SGCZ: variants seen among roughly 807,000 people sequenced by gnomAD.
SGCZ encodes the protein sarcoglycan zeta.
In SGCZ, 40 loss-of-function variants were observed where a neutral mutation model predicts 41.3. The ratio of observed to expected loss-of-function variants is 0.97; its 90% CI spans 0.75 to 1.26. SGCZ has a LOEUF of 1.26. Among genes scored for constraint, SGCZ ranks in the 50% most tolerant of loss-of-function variants. The pLI, the probability that SGCZ is intolerant of heterozygous loss-of-function variation, is 0.00. For synonymous variants in SGCZ, 206 were observed against 137.5 expected (o/e 1.50, Z -3.49); for missense variants, 552 against 369.8 (o/e 1.49, Z -4.04).
In SGCZ at chr8:14,496,142, T is replaced by C. The variant is rs576522710; in HGVS notation, c.234+58590A>G. On this transcript the variant is annotated intron_variant, in intron 2 of 7. Transcript: ENST00000382080. ...GTGCAGTGGCGTGATCATGGCTCAC[T>C]GCAGCCTCAAACTCTTGGCCTCAGG... 8.1e-5 allele frequency among the ~76,000 whole-genome samples: 8 copies of C among 98,382 alleles called. 1 individual carries two copies. The Admixed American group carries it at 8.8e-4, about 11-fold the overall frequency. The allele number at this position is 98,382 out of a possible 152,430, so 64.5% of individuals were successfully genotyped here.
At chr8:14,581,460 T>TC (rs397955823) in intron 1 of SGCZ, among the ~76,000 whole-genome samples, 1 of 151,358 alleles carries the variant, frequency 6.6e-6, no homozygotes, top group Non-Finnish European at 1.5e-5. Context: ...TTTTTTTTTT[T>TC]CCCCCACAGT....
intron 1 of SGCZ, among the ~76,000 whole-genome samples, chr8:14,843,448 T>C (rs1802994778): frequency 6.6e-6 from 1 of 152,210 alleles, no homozygotes; most frequent in South Asian, 2.1e-4. Context: ...GTATGTACCT[T>C]GTAGAATGTC....
intron 2 of SGCZ, among the ~76,000 whole-genome samples, chr8:14,480,724 T>C (rs10107305): frequency 0.042 from 6,345 of 152,152 alleles, 186 homozygotes; most frequent in African/African-American, 0.083. Context: ...ATAAAGACTA[T>C]ATTCTTTATA....
At chr8:15,143,314 C>T (rs371943254) in intron 1 of SGCZ, among the ~76,000 whole-genome samples, 143 of 152,194 alleles carry the variant, frequency 9.4e-4, no homozygotes, top group Middle Eastern at 3.4e-3. Context: ...AACTCTAGCA[C>T]GTAGTAGGCA....
intron 1 of SGCZ, among the ~76,000 whole-genome samples, chr8:14,755,684 G>T (rs1799642278): frequency 6.6e-6 from 1 of 152,034 alleles, no homozygotes; most frequent in African/African-American, 2.4e-5. Flanking sequence ...TCTATGGCTG[G>T]CCCATGATCT....
intron 2 of SGCZ, among the ~76,000 whole-genome samples, chr8:14,457,068 A>G (rs1470674234): frequency 6.6e-6 from 1 of 152,224 alleles, no homozygotes; most frequent in African/African-American, 2.4e-5. Context: ...CTGTTCCAGT[A>G]TAATAAAATA....
intron 2 of SGCZ, among the ~76,000 whole-genome samples, chr8:14,354,967 A>G (rs898534084): frequency 1.3e-5 from 2 of 151,962 alleles, no homozygotes; most frequent in Admixed American, 6.6e-5. Flanking sequence ...TTCTTAGTTC[A>G]ATATTAATAA....
At chr8:14,127,937 A>T (rs1802916147) in intron 5 of SGCZ, among the ~76,000 whole-genome samples, 1 of 152,116 alleles carries the variant, frequency 6.6e-6, no homozygotes, top group Non-Finnish European at 1.5e-5. Context: ...CCCCGCATCA[A>T]GTAGACCAAA....
At chr8:14,337,896 T>C (rs1802558228) in intron 2 of SGCZ, among the ~76,000 whole-genome samples, 3 of 152,098 alleles carry the variant, frequency 2.0e-5, no homozygotes, top group Non-Finnish European at 4.4e-5. Flanking sequence ...AGAAGCCGGA[T>C]GAACAGAATT....
chr8:15,004,358 C>A (rs7846072), intron 1 of SGCZ, among the ~76,000 whole-genome samples: 76,131 of 151,832 alleles, frequency 0.5, 19,349 homozygotes, highest in South Asian at 0.54. Context: ...AGGGATGATC[C>A]CGCAAGCCTA....
chr8:14,785,540 C>T (rs1585258530), intron 1 of SGCZ, among the ~76,000 whole-genome samples: 1 of 152,056 alleles, frequency 6.6e-6, no homozygotes, highest in African/African-American at 2.4e-5. Context: ...TTCCCTAATG[C>T]TTCAGTGAGT....
intron 1 of SGCZ, among the ~76,000 whole-genome samples, chr8:15,152,075 A>G (rs947008559): frequency 6.6e-6 from 1 of 152,228 alleles, no homozygotes; most frequent in African/African-American, 2.4e-5. Context: ...TTATTACTTT[A>G]ATTTCCTTTT....
intron 2 of SGCZ, among the ~76,000 whole-genome samples, chr8:14,337,885 C>A (rs1802557795): frequency 6.6e-6 from 1 of 152,078 alleles, no homozygotes; most frequent in African/African-American, 2.4e-5. Context: ...TATAAATAGC[C>A]AGAAGCCGGA....
intron 1 of SGCZ, among the ~76,000 whole-genome samples, chr8:14,687,605 T>G (rs1415913467): frequency 6.6e-6 from 1 of 152,066 alleles, no homozygotes; most frequent in South Asian, 2.1e-4. Flanking sequence ...TGTTGGACAT[T>G]TGGCTTGGTT....
intron 1 of SGCZ, among the ~76,000 whole-genome samples, chr8:15,095,152 G>A (rs1405212040): frequency 7.2e-5 from 11 of 152,114 alleles, no homozygotes; most frequent in Non-Finnish European, 1.3e-4. Flanking sequence ...AGGCTGGAGT[G>A]CAATGGCGTG....
intron 2 of SGCZ, among the ~76,000 whole-genome samples, chr8:14,551,036 T>C (rs1803790982): frequency 6.6e-6 from 1 of 151,898 alleles, no homozygotes; most frequent in Non-Finnish European, 1.5e-5. Flanking sequence ...GGTCTGGGTA[T>C]TCTTGACTTC....
At chr8:15,045,533 A>T (rs1337490626) in intron 1 of SGCZ, among the ~76,000 whole-genome samples, 1 of 152,090 alleles carries the variant, frequency 6.6e-6, no homozygotes, top group Non-Finnish European at 1.5e-5. Context: ...TTTAAGATTG[A>T]GATTAGTTTA....
intron 5 of SGCZ, among the ~76,000 whole-genome samples, chr8:14,120,236 C>T (rs1328922197): frequency 1.3e-5 from 2 of 152,012 alleles, no homozygotes; most frequent in Admixed American, 6.6e-5. Context: ...ATAAAATTCA[C>T]CATAGTAATT....
chr8:14,561,833 C>A (rs556418598), intron 1 of SGCZ, among the ~76,000 whole-genome samples: 4 of 152,238 alleles, frequency 2.6e-5, no homozygotes, highest in Non-Finnish European at 4.4e-5. Flanking sequence ...ATGTAAATAA[C>A]ATTTCTGGCA....
Sources: allele counts gnomAD v4.1 joint callset (sites outside exome capture counted in the v4.1 genomes callset), GRCh38; gene constraint gnomAD v4.1.1; transcripts MANE v1.5; gene names NCBI Gene and HGNC (gene_info 2026-07-23, HGNC 2026-07-21).